Variants in ANKRD52 observed in about 807,000 individuals in gnomAD.
ANKRD52 encodes serine/threonine-protein phosphatase 6 regulatory ankyrin repeat subunit C.
A neutral mutation model predicts 116.0 loss-of-function variants in ANKRD52; 7 were observed. That is an observed-to-expected ratio of 0.06 (90% CI 0.03 to 0.11). The LOEUF (loss-of-function observed/expected upper bound fraction) is 0.11, where lower values mean the gene tolerates loss of function less well. Among genes scored for constraint, ANKRD52 ranks in the 10% least tolerant of loss-of-function variants. ANKRD52 has a pLI of 1.00. For synonymous variants in ANKRD52, 528 were observed against 578.1 expected, an observed-to-expected ratio of 0.91 and a Z score of 1.24; for missense variants, 839 against 1,408.6, an observed-to-expected ratio of 0.60 and a Z score of 6.47.
At chr12:56,250,196 CAAAT>C (rs753676605) in intron 15 of ANKRD52, among the ~76,000 whole-genome samples, 5 of 151,660 alleles carry the variant, frequency 3.3e-5, no homozygotes, top group African/African-American at 9.7e-5. Flanking sequence ...GACTCCATCT[CAAAT>C]AAATAAATAA....
intron 1 of ANKRD52, 74 bp downstream of exon 1, chr12:56,258,169 G>A (rs2135896462): frequency 1.3e-6 from 2 of 1,559,824 alleles, no homozygotes; most frequent in African/African-American, 1.4e-5. Flanking sequence ...AGCCTAGGCC[G>A]CACATCCCCG....
Position 56,244,450 on chromosome 12 carries a change from T to C in ANKRD52, c.2723-15A>G. ...CAGCAGAAATTCTACGAGAGAAATG[T>C]GATAGAGGGACTGACCCCTCCCTCC... On this transcript the variant is annotated splice_polypyrimidine_tract_variant and intron_variant, in intron 24 of 27. Transcript: ENST00000267116. The surrounding 1 kb of genome is among the most constrained non-coding windows in gnomAD (Gnocchi z 4.9). 1 of 1,613,454 alleles carries C rather than the reference T, an allele frequency of 6.2e-7. No homozygotes were observed. Among genetic ancestry groups the C allele is most frequent in the Non-Finnish European group, 8.5e-7 (1 of 1,179,474 alleles).
Position 56,256,995 on chromosome 12 carries a change from TAGA to T in ANKRD52, c.261+17_261+19del. 6.2e-7 allele frequency: 1 copy of T among 1,608,112 alleles called. No individual in the cohort carries two copies. The highest frequency in any genetic ancestry group is 8.5e-7 in the Non-Finnish European group (1 of 1,177,474). On this transcript the variant is annotated intron_variant, in intron 4 of 27. Coordinates refer to ENST00000267116, the MANE Select transcript of ANKRD52 (RefSeq NM_173595.4). ...CAACTTATCCTTTTTGAAAGGGTAA[TAGA>T]AGGTGGGGGTGCATACCTCGTTTCG...
chr12:56,246,242 C>T (rs1185732731), intron 20 of ANKRD52, among the ~76,000 whole-genome samples: 1 of 151,852 alleles, frequency 6.6e-6, no homozygotes, highest in Non-Finnish European at 1.5e-5. Context: ...GTTGGCCAGG[C>T]TGGTCTCAAA....
At position 56,242,864 on chromosome 12, in the gene ANKRD52, G is replaced by A. The variant is rs915026541; in HGVS notation, c.*278C>T. On this transcript the variant is annotated 3_prime_UTR_variant, in exon 28 of 28. Transcript: ENST00000267116. The surrounding 1 kb of genome is among the most constrained non-coding windows in gnomAD (Gnocchi z 4.3). ...GGGAACCAAGAGATGGAGTCAAAGA[G>A]TGGGGGAGCCAGGCATTTAGCAATC... is the stretch of plus-strand genomic sequence containing the variant. 1 of 437,762 alleles carries A rather than the reference G, an allele frequency of 2.3e-6. No homozygotes were observed. The highest frequency in any genetic ancestry group is 4.1e-6 in the Non-Finnish European group (1 of 244,758). The allele number at this position is 437,762 out of a possible 1,614,324, so 27.1% of individuals were successfully genotyped here.
chr12:56,245,403 G>T lies in ANKRD52; in HGVS notation c.2378C>A (p.Ser793Ter). The T allele has an allele frequency of 6.2e-7, 1 of 1,612,392 alleles. No homozygotes were observed. Among genetic ancestry groups the T allele is most frequent in the South Asian group, 1.1e-5 (1 of 90,956 alleles). ...AGTGTAGGAGGCCCAGTGCATGGGC[G>T]AGTATCCGCTGTAATCCACCCCGGC... is the stretch of plus-strand genomic sequence containing the variant. ...LDAGVDYSGY[S>*]PMHWASYTGH... The change falls in exon 21 of 28, where the codon TCG (serine) becomes TAG (stop). Residue 793 changes from serine to a stop codon, truncating the protein, a stop_gained. Transcript: ENST00000267116. LOFTEE classifies it high-confidence loss of function.
Position 56,252,339 on chromosome 12 carries a change from G to C in ANKRD52, c.1371-24C>G. On this transcript the variant is annotated intron_variant, in intron 13 of 27. Coordinates refer to ENST00000267116, the MANE Select transcript of ANKRD52 (RefSeq NM_173595.4). The surrounding 1 kb of genome is among the most constrained non-coding windows in gnomAD (Gnocchi z 4.7). ...TCCTGGGGAAGAAGTGAAGGAGGGTGGGGAAGAGAATCAGAGACAGATACG... is the reference window on the plus strand; with the variant it reads ...TCCTGGGGAAGAAGTGAAGGAGGGTCGGGAAGAGAATCAGAGACAGATACG... 1 of 1,612,452 alleles carries C rather than the reference G, an allele frequency of 6.2e-7. No homozygotes were observed. The highest frequency in any genetic ancestry group is 8.5e-7 in the Non-Finnish European group (1 of 1,178,692).
rs1294335040 is a variant in ANKRD52 at position 56,248,983 on chromosome 12, C to T, written c.1593-113G>A. 2 of 667,094 alleles carry T rather than the reference C, an allele frequency of 3.0e-6. No individual in the cohort carries two copies. The highest frequency in any genetic ancestry group is 5.1e-6 in the Non-Finnish European group (2 of 394,290). The allele number at this position is 667,094 out of a possible 1,614,324, so 41.3% of individuals were successfully genotyped here. Reference sequence around the variant, plus strand: ...CCCTCCAGGCCTACCTGGCCGCCACCCGTCCTCAGCTCTAGGTAGGTTCTC... The same window carrying T: ...CCCTCCAGGCCTACCTGGCCGCCACTCGTCCTCAGCTCTAGGTAGGTTCTC... On this transcript the variant is annotated intron_variant, in intron 15 of 27. Coordinates refer to ENST00000267116, the MANE Select transcript of ANKRD52 (RefSeq NM_173595.4). The surrounding 1 kb of genome is among the most constrained non-coding windows in gnomAD (Gnocchi z 5.1).
In ANKRD52 at chr12:56,251,679, G is replaced by A. The variant is rs527314237; in HGVS notation, c.1592+336C>T. On this transcript the variant is annotated intron_variant, in intron 15 of 27. Coordinates refer to ENST00000267116, the MANE Select transcript of ANKRD52 (RefSeq NM_173595.4). ...CCTCTCAAGAAGACCAGCCGGGCGC[G>A]GTGAGCTGAGATCACACCACTGCAT... is the stretch of plus-strand genomic sequence containing the variant. 6.6e-5 allele frequency among the ~76,000 whole-genome samples: 10 copies of A among 150,466 alleles called. No homozygotes were observed. The East Asian group carries it at 1.8e-3, about 26-fold the overall frequency.
At chr12:56,245,299 C>G in intron 21 of ANKRD52, 78 bp downstream of exon 21, 1 of 1,600,158 alleles carries the variant, frequency 6.2e-7, no homozygotes, top group Non-Finnish European at 8.5e-7. Context: ...ACCCAGGTCC[C>G]CCCCAACAAC....
Position 56,252,192 on chromosome 12 carries a change from A to G in ANKRD52, c.1494T>C (p.Ala498=), listed in dbSNP as rs763482935. 2.5e-6 allele frequency: 4 copies of G among 1,614,018 alleles called. No individual in the cohort carries two copies. The South Asian group carries it at 4.4e-5, about 18-fold the overall frequency. ...KGCSPLHYAA[A]SDTYRRAEPH... ...AGCCTCACCTCCTGTAAGTGTCAGA[A>G]GCGGCAGCGTAGTGGAGGGGAGAGC... is the stretch of plus-strand genomic sequence containing the variant. Residue 498 remains alanine, a synonymous_variant, in exon 14 of 28, where the codon GCT becomes GCC. Transcript: ENST00000267116. This position sits in a 1 kb window ranked among gnomAD's most constrained non-coding sequence, Gnocchi z 4.7.
intron 15 of ANKRD52, among the ~76,000 whole-genome samples, chr12:56,249,507 T>C (rs932057799): frequency 6.6e-6 from 1 of 152,220 alleles, no homozygotes; most frequent in Non-Finnish European, 1.5e-5. Flanking sequence ...AATTGAGGCA[T>C]AGAGAAGTAA....
chr12:56,257,879 A>C lies in ANKRD52; in HGVS notation c.60T>G (p.Asp20Glu). The stretch of plus-strand genomic sequence containing the variant: ...AGAGTAGGGAACGCACTTCCTCCAC[A>C]TCTCGGCTAAAGATGGCCTGGACCA... The part of the protein sequence containing the change: ...PPLVQAIFSR[D>E]VEEVRSLLSQ... The change falls in exon 2 of 28, where the codon GAT becomes GAG. Residue 20 changes from aspartate (D) to glutamate (E), a missense_variant. By Grantham distance (45) the Asp-to-Glu change is conservative. Around this residue, in one of 2 missense-constraint regions of ANKRD52, gnomAD observed 287 missense variants for 598.1 expected, o/e 0.48. Transcript: ENST00000267116. The C allele has an allele frequency of 4.3e-6, 7 of 1,610,276 alleles. No homozygotes were observed. Among genetic ancestry groups the C allele is most frequent in the Non-Finnish European group, 5.9e-6 (7 of 1,178,350 alleles).
In ANKRD52 at chr12:56,252,330, A is replaced by G. The variant is rs1020625335; in HGVS notation, c.1371-15T>C. The G allele has an allele frequency of 1.2e-6, 2 of 1,612,894 alleles. No individual in the cohort carries two copies. The highest frequency in any genetic ancestry group is 2.7e-5 in the African/African-American group (2 of 74,874). The stretch of plus-strand genomic sequence containing the variant: ...GCAGTGGGGTCCTGGGGAAGAAGTG[A>G]AGGAGGGTGGGGAAGAGAATCAGAG... On this transcript the variant is annotated splice_polypyrimidine_tract_variant and intron_variant, in intron 13 of 27. Coordinates refer to ENST00000267116, the MANE Select transcript of ANKRD52 (RefSeq NM_173595.4). This position sits in a 1 kb window ranked among gnomAD's most constrained non-coding sequence, Gnocchi z 4.7.
At chr12:56,250,980 G>A (rs1043553342) in intron 15 of ANKRD52, among the ~76,000 whole-genome samples, 7 of 151,792 alleles carry the variant, frequency 4.6e-5, no homozygotes, top group South Asian at 4.2e-4. Flanking sequence ...TCACTCTGTC[G>A]CCCAGGTTGG....
rs759661612 is a variant in ANKRD52 at position 56,247,770 on chromosome 12, G to A, written c.1983C>T (p.Ala661=). 2.5e-6 allele frequency: 4 copies of A among 1,611,504 alleles called. No homozygotes were observed. Among genetic ancestry groups the A allele is most frequent in the Non-Finnish European group, 3.4e-6 (4 of 1,178,980 alleles). Residue 661 remains alanine (A), a synonymous_variant, in exon 19 of 28, where the codon GCC becomes GCT. Transcript: ENST00000267116. ...RKWTPLHAAA[A]SGHTDSLHLL... is the part of the protein sequence containing the mutation. ...AGTGCAGGGAGTCAGTGTGGCCAGA[G>A]GCAGCTAGGGGAAAGGGACCCCGTG...
Position 56,248,597 on chromosome 12 carries a change from C to T in ANKRD52, c.1705-31G>A. 1.3e-6 allele frequency: 2 copies of T among 1,563,378 alleles called. No homozygotes were observed. The highest frequency in any genetic ancestry group is 3.8e-5 in the Admixed American group (2 of 52,556). ...AAGGACAGGAAAGTAGGTGCTGAGACTCTGGAACTCCCAAGATAGTACCCC... is the reference window on the plus strand; with the variant it reads ...AAGGACAGGAAAGTAGGTGCTGAGATTCTGGAACTCCCAAGATAGTACCCC... On this transcript the variant is annotated intron_variant, in intron 16 of 27. Transcript: ENST00000267116. This position sits in a 1 kb window ranked among gnomAD's most constrained non-coding sequence, Gnocchi z 5.1.
In ANKRD52 at chr12:56,240,540, G is replaced by A. The variant is rs1229325155; in HGVS notation, c.*2602C>T. On this transcript the variant is annotated 3_prime_UTR_variant, in exon 28 of 28. Coordinates refer to ENST00000267116, the MANE Select transcript of ANKRD52 (RefSeq NM_173595.4). This position sits in a 1 kb window ranked among gnomAD's most constrained non-coding sequence, Gnocchi z 4.2. ...CCCCGCCCTCCCCCATGAAGACTGG[G>A]GGGCATTCTGCCTGTTTTACTTCTC... is the stretch of plus-strand genomic sequence containing the variant. 1.3e-5 allele frequency: 2 copies of A among 152,134 alleles called. No homozygotes were observed. Among genetic ancestry groups the A allele is most frequent in the Non-Finnish European group, 2.9e-5 (2 of 68,026 alleles). 9.4% of individuals were successfully genotyped at this position (152,134 alleles called of 1,614,324 possible). A position where few individuals can be genotyped will look rare whatever the true frequency, so the allele number is the denominator to read the frequency against.
rs756662477 is a variant in ANKRD52 at position 56,247,483 on chromosome 12, GCTCA to G, written c.2184+6_2184+9del. The G allele has an allele frequency of 6.4e-7, 1 of 1,559,624 alleles. No homozygotes were observed. Among genetic ancestry groups the G allele is most frequent in the South Asian group, 1.2e-5 (1 of 84,712 alleles). ...CATGTGCAAACAATCCCCCCTAGAA[GCTCA>G]CTCACCCCGCGGTGGAGGGCAGTGC... is the stretch of plus-strand genomic sequence containing the variant. On this transcript the variant is annotated splice_donor_region_variant and intron_variant, in intron 20 of 27. Transcript: ENST00000267116.
Sources: allele counts gnomAD v4.1 joint callset (sites outside exome capture counted in the v4.1 genomes callset), GRCh38; gene constraint gnomAD v4.1.1; regional missense constraint gnomAD v4.1.1; non-coding constraint Gnocchi (gnomAD v3.1); transcripts MANE v1.5; gene names NCBI Gene and HGNC (gene_info 2026-07-23, HGNC 2026-07-21).